ARHGAP25: variants seen among roughly 807,000 people sequenced by gnomAD.
ARHGAP25 encodes Rho GTPase activating protein 25.
A neutral mutation model predicts 71.0 loss-of-function variants in ARHGAP25; 34 were observed. The observed-to-expected ratio is 0.48, with a 90% confidence interval of 0.36 to 0.64. ARHGAP25 has a LOEUF of 0.64. Among genes scored for constraint, ARHGAP25 ranks in the 30% least tolerant of loss-of-function variants. ARHGAP25 has a pLI of 0.00. For missense variants in ARHGAP25, 706 were observed against 805.1 expected (o/e 0.88, Z 1.49); for synonymous variants, 282 against 296.5 (o/e 0.95, Z 0.50).
At chr2:68,792,308 A>C (rs1679234686) in intron 4 of ARHGAP25, among the ~76,000 whole-genome samples, 1 of 152,202 alleles carries the variant, frequency 6.6e-6, no homozygotes, top group Non-Finnish European at 1.5e-5. Context: ...AATTTGTTAC[A>C]TGCATAGATT....
intron 2 of ARHGAP25, among the ~76,000 whole-genome samples, chr2:68,714,114 C>T (rs548987606): frequency 1.8e-4 from 26 of 142,396 alleles, no homozygotes; most frequent in African/African-American, 6.2e-4. Context: ...CCGTCTGGTC[C>T]TTGGCTTTTT....
rs183068610 is a variant in ARHGAP25, at chr2:68,740,130, G to A, written c.61+4870G>A. Among the ~76,000 whole-genome samples the A allele has an allele frequency of 4.1e-4, 63 of 152,226 alleles. 1 individual carries two copies. The highest frequency in any genetic ancestry group is 1.3e-3 in the African/African-American group (56 of 41,520). ...AGAGACAAGGAAACAACTGCAAAGCGGTGAGACAGGTGCTGTGATGATGAG... is the reference window on the plus strand; with the variant it reads ...AGAGACAAGGAAACAACTGCAAAGCAGTGAGACAGGTGCTGTGATGATGAG... On this transcript the variant is annotated intron_variant, in intron 1 of 10. Transcript: ENST00000409202.
chr2:68,794,863 T>C (rs1321513543), intron 4 of ARHGAP25, among the ~76,000 whole-genome samples: 1 of 152,184 alleles, frequency 6.6e-6, no homozygotes, highest in Non-Finnish European at 1.5e-5. Flanking sequence ...AGAACTTCTT[T>C]GTATGTTTGG....
chr2:68,806,910 T>G (rs17543981), intron 4 of ARHGAP25, among the ~76,000 whole-genome samples: 50,078 of 152,010 alleles, frequency 0.33, 8,919 homozygotes, highest in South Asian at 0.45. Flanking sequence ...CTTTGGCAAG[T>G]GTCTAAGGCT....
chr2:68,822,319 C>T (rs769098140), intron 9 of ARHGAP25, 21 bp from the exon 10 acceptor site: 1 of 1,603,626 alleles, frequency 6.2e-7, no homozygotes, highest in Non-Finnish European at 8.5e-7. Context: ...CATGTGACAT[C>T]CATGGCCATT....
intron 1 of ARHGAP25, among the ~76,000 whole-genome samples, chr2:68,760,198 A>C (rs1676718561): frequency 6.6e-6 from 1 of 152,064 alleles, no homozygotes; most frequent in Non-Finnish European, 1.5e-5. Flanking sequence ...CAATGTAATA[A>C]AAGTCATATG....
At position 68,813,439 on chromosome 2, in the gene ARHGAP25, T is replaced by TTGTC; in HGVS notation, c.807+21_807+24dup. ...GCAAAGGTTTGCATCTTAGAGTTAGTTGTCCTGCCTTAGAAGAAAGTGATT... is the reference window on the plus strand; with the variant it reads ...GCAAAGGTTTGCATCTTAGAGTTAGTTGTCTGTCCTGCCTTAGAAGAAAGTGATT... On this transcript the variant is annotated intron_variant, in intron 6 of 10. Transcript: ENST00000409202. 1 of 1,607,848 alleles carries TTGTC rather than the reference T, an allele frequency of 6.2e-7. No individual in the cohort carries two copies. Among genetic ancestry groups the TTGTC allele is most frequent in the Non-Finnish European group, 8.5e-7 (1 of 1,177,532 alleles).
chr2:68,716,547 A>G (rs12713659), intron 2 of ARHGAP25, among the ~76,000 whole-genome samples: 90,529 of 151,974 alleles, frequency 0.6, 28,466 homozygotes, highest in East Asian at 0.81. Flanking sequence ...TCCTTCCCTG[A>G]AGCTTGGGTG....
At chr2:68,792,887 C>G (rs1019662122) in intron 4 of ARHGAP25, among the ~76,000 whole-genome samples, 9 of 152,170 alleles carry the variant, frequency 5.9e-5, no homozygotes, top group Non-Finnish European at 1.5e-5. Context: ...TTTGCATTCC[C>G]ACCAACAGTG....
intron 1 of ARHGAP25, among the ~76,000 whole-genome samples, chr2:68,742,617 T>A (rs1255591994): frequency 6.6e-6 from 1 of 152,254 alleles, no homozygotes; most frequent in Non-Finnish European, 1.5e-5. Flanking sequence ...CTAGTAATTA[T>A]CATTATTGTT....
At chr2:68,823,973 G>T (rs1485694873) in intron 10 of ARHGAP25, among the ~76,000 whole-genome samples, 2 of 152,242 alleles carry the variant, frequency 1.3e-5, no homozygotes, top group Non-Finnish European at 2.9e-5. Context: ...TCATGAGGCA[G>T]TGAAATGTGA....
At position 68,772,281 on chromosome 2, in the gene ARHGAP25, T is replaced by A. The variant is rs534332599; in HGVS notation, c.62-2940T>A. 4.6e-5 allele frequency among the ~76,000 whole-genome samples: 7 copies of A among 152,316 alleles called. 1 individual carries two copies. The highest frequency in any genetic ancestry group is 1.7e-4 in the African/African-American group (7 of 41,566). On this transcript the variant is annotated intron_variant, in intron 1 of 10. Coordinates refer to ENST00000409202, the MANE Select transcript of ARHGAP25 (RefSeq NM_001007231.3). ...AATGATGTCTGTGGGCCTCTGGGGG[T>A]GGCCCAAGGGGCCTGAGTCCTTCTA...
chr2:68,728,494 A>G (rs1230167831), intron 2 of ARHGAP25, among the ~76,000 whole-genome samples: 1 of 151,952 alleles, frequency 6.6e-6, no homozygotes, highest in Non-Finnish European at 1.5e-5. Flanking sequence ...CCCATACCCA[A>G]GAGAGATGAT....
At position 68,726,226 on chromosome 2, in the gene ARHGAP25, G is replaced by A. The variant is rs76110367; in HGVS notation, c.-18+15528G>A. 6.3e-3 allele frequency among the ~76,000 whole-genome samples: 964 copies of A among 152,264 alleles called. 11 individuals carry two copies. Among genetic ancestry groups the A allele is most frequent in the African/African-American group, 0.022 (927 of 41,524 alleles). ...ACTGCCTGATCCCTAATAGGTGAACGGTTCCTTTATATTTGTTGAATGAAT... is the reference window on the plus strand; with the variant it reads ...ACTGCCTGATCCCTAATAGGTGAACAGTTCCTTTATATTTGTTGAATGAAT... On this transcript the variant is annotated intron_variant and NMD_transcript_variant, in intron 2 of 7. Transcript: ENST00000463483.
intron 9 of ARHGAP25, chr2:68,819,596 A>T (rs1681488418): frequency 3.2e-6 from 2 of 621,252 alleles, no homozygotes; most frequent in Non-Finnish European, 5.8e-6. Flanking sequence ...TGAAAGAGAG[A>T]CTCAAATACA....
At chr2:68,805,145 G>A (rs1680272783) in intron 4 of ARHGAP25, among the ~76,000 whole-genome samples, 2 of 152,134 alleles carry the variant, frequency 1.3e-5, no homozygotes, top group South Asian at 2.1e-4. Flanking sequence ...CAGGGAAGGG[G>A]GAGAGCAGAC....
At chr2:68,724,311 A>G (rs1674832415) in intron 2 of ARHGAP25, among the ~76,000 whole-genome samples, 1 of 151,696 alleles carries the variant, frequency 6.6e-6, no homozygotes, top group Non-Finnish European at 1.5e-5. Flanking sequence ...TTTTCCCCCA[A>G]CTCTCTAAAC....
intron 8 of ARHGAP25, among the ~76,000 whole-genome samples, chr2:68,818,400 T>C (rs1681386199): frequency 6.6e-6 from 1 of 152,230 alleles, no homozygotes. Flanking sequence ...CAAACTTAGC[T>C]CACTGTAATC....
chr2:68,781,794 T>G (rs550727629), intron 2 of ARHGAP25, among the ~76,000 whole-genome samples: 1 of 152,246 alleles, frequency 6.6e-6, no homozygotes, highest in African/African-American at 2.4e-5. Flanking sequence ...GAGCACCTTC[T>G]ACTCAATACC....
Sources: gnomAD v4.1 joint callset for allele counts (sites outside exome capture counted in the v4.1 genomes callset) on GRCh38, gnomAD v4.1.1 for gene constraint, MANE v1.5 for transcripts, NCBI Gene and HGNC (gene_info 2026-07-23, HGNC 2026-07-21) for gene names.